The following SRRM4 variants were observed in gnomAD, a reference collection of about 807,000 sequenced individuals.
The protein encoded by SRRM4 is serine/arginine repetitive matrix protein 4.
In SRRM4, 33 loss-of-function variants were observed where a neutral mutation model predicts 68.9. The ratio of observed to expected loss-of-function variants is 0.48; its 90% CI spans 0.36 to 0.64. The LOEUF is 0.64. SRRM4 is among the 30% of genes least tolerant of loss of function. The pLI is 0.00. For synonymous variants in SRRM4, 318 were observed against 318.8 expected, an observed-to-expected ratio of 1.00 and a Z score of 0.03; for missense variants, 817 against 827.1, an observed-to-expected ratio of 0.99 and a Z score of 0.15.
rs779345328 is a variant in SRRM4, at chr12:119,102,314, G to C, written c.210G>C (p.Glu70Asp). ...SEKLGQHLAT[E>D]PLGTNSWERD... ...AGCTGGGTCAGCATCTGGCCACCGA[G>C]CCCTTGGGCACCAACAGTTGGGAGA... Residue 70 changes from glutamate to aspartate, a missense_variant, in exon 2 of 13, where the codon GAG (glutamate) becomes GAC (aspartate). Coordinates refer to ENST00000267260, the MANE Select transcript of SRRM4 (RefSeq NM_194286.4). 3.1e-6 allele frequency: 5 copies of C among 1,613,662 alleles called. No homozygotes were observed. The South Asian group carries it at 5.5e-5, about 18-fold the overall frequency.
intron 9 of SRRM4, among the ~76,000 whole-genome samples, chr12:119,147,885 T>C (rs767094712): frequency 2.6e-5 from 4 of 152,238 alleles, no homozygotes; most frequent in Admixed American, 6.5e-5. Context: ...TAATAGCTAC[T>C]AAAATTTACT....
intron 1 of SRRM4, among the ~76,000 whole-genome samples, chr12:119,011,781 C>A (rs1333150580): frequency 6.6e-6 from 1 of 152,128 alleles, no homozygotes; most frequent in Non-Finnish European, 1.5e-5. Context: ...AATAGGGAGA[C>A]CAGTGCCATT....
intron 1 of SRRM4, among the ~76,000 whole-genome samples, chr12:119,079,441 C>A (rs1291096795): frequency 6.6e-6 from 1 of 152,126 alleles, no homozygotes; most frequent in African/African-American, 2.4e-5. Flanking sequence ...GACAGAGAGA[C>A]CAATTAGAAG....
intron 1 of SRRM4, among the ~76,000 whole-genome samples, chr12:119,034,673 G>A (rs1953614615): frequency 6.6e-6 from 1 of 152,148 alleles, no homozygotes; most frequent in Non-Finnish European, 1.5e-5. Flanking sequence ...ATACAGAAAT[G>A]TCTATAGTAT....
chr12:119,130,416 TG>T (rs1954289374), intron 7 of SRRM4, among the ~76,000 whole-genome samples: 1 of 108,820 alleles, frequency 9.2e-6, no homozygotes, highest in East Asian at 2.8e-4. Context: ...GACAGATGGA[TG>T]GATGGATGGA....
rs767505834 is a variant in SRRM4, at chr12:119,130,786, G to A, written c.723G>A (p.Pro241=). 6.3e-5 allele frequency: 102 copies of A among 1,608,658 alleles called. No homozygotes were observed. Among genetic ancestry groups the A allele is most frequent in the East Asian group, 3.8e-4 (17 of 44,860 alleles). ...GCCCTGAGGCCCAGTCCAGTCGCCC[G>A]CCCAGTCAACCCCTCCAGATGCTTG... ...KDSPEAQSSR[P]PSQPLQMLGY... is the part of the protein sequence containing the mutation. Residue 241 remains proline, a synonymous_variant, in exon 8 of 13, where the codon CCG becomes CCA. Transcript: ENST00000267260.
Position 118,981,728 on chromosome 12 carries a change from G to A in SRRM4, c.-155G>A, listed in dbSNP as rs970052679. ...CTCTGCTGCCTGCCCGGGCTGGGGC[G>A]TCCCATCCCCCGCCCTGAACTCCGA... is the stretch of plus-strand genomic sequence containing the variant. On this transcript the variant is annotated 5_prime_UTR_variant, in exon 1 of 13. Coordinates refer to ENST00000267260, the MANE Select transcript of SRRM4 (RefSeq NM_194286.4). 2.6e-6 allele frequency: 2 copies of A among 780,024 alleles called. No homozygotes were observed. The highest frequency in any genetic ancestry group is 4.0e-6 in the Non-Finnish European group (2 of 502,388). The allele number at this position is 780,024 out of a possible 1,614,324, so 48.3% of individuals were successfully genotyped here.
At chr12:119,019,949 TCC>T (rs200015673) in intron 1 of SRRM4, among the ~76,000 whole-genome samples, 67 of 43,346 alleles carry the variant, frequency 1.5e-3, no homozygotes, top group African/African-American at 2.4e-3. Flanking sequence ...TTCCCCCCGC[TCC>T]CCCCCCCCCC....
intron 2 of SRRM4, among the ~76,000 whole-genome samples, chr12:119,110,140 A>T (rs965780059): frequency 6.6e-6 from 1 of 152,206 alleles, no homozygotes. Flanking sequence ...GCAGAACAGC[A>T]AATATTGCAG....
At chr12:119,117,929 A>G (rs1164961679) in intron 4 of SRRM4, among the ~76,000 whole-genome samples, 1 of 152,130 alleles carries the variant, frequency 6.6e-6, no homozygotes, top group Non-Finnish European at 1.5e-5. Context: ...ACAAACAAAC[A>G]AACAAACAAA....
intron 1 of SRRM4, among the ~76,000 whole-genome samples, chr12:119,074,360 G>A (rs568397766): frequency 6.6e-6 from 1 of 152,292 alleles, no homozygotes; most frequent in South Asian, 2.1e-4. Flanking sequence ...ACTCTGAGAG[G>A]TTAAACGGGG....
intron 1 of SRRM4, among the ~76,000 whole-genome samples, chr12:118,999,877 A>G (rs1369412860): frequency 1.3e-5 from 2 of 152,138 alleles, no homozygotes; most frequent in African/African-American, 4.8e-5. Flanking sequence ...TTTCCCAAAC[A>G]CTTTATGTAT....
In SRRM4 at chr12:119,073,792, T is replaced by A. The variant is rs536762463; in HGVS notation, c.132-28444T>A. ...TACCCTCTGTGCCCTGCTAGTTTTT[T>A]AAATTTTTAATAGATAAATAGACAT... is the stretch of plus-strand genomic sequence containing the variant. On this transcript the variant is annotated intron_variant, in intron 1 of 12. Coordinates refer to ENST00000267260, the MANE Select transcript of SRRM4 (RefSeq NM_194286.4). Among the ~76,000 whole-genome samples, 29 of 152,230 alleles carry A rather than the reference T, an allele frequency of 1.9e-4. No individual in the cohort carries two copies. In the East Asian group the frequency reaches 5.4e-3, roughly 28 times the overall value.
intron 1 of SRRM4, among the ~76,000 whole-genome samples, chr12:119,004,704 C>T (rs569185754): frequency 2.0e-4 from 31 of 151,984 alleles, no homozygotes; most frequent in African/African-American, 7.0e-4. Flanking sequence ...AGCTAGGACT[C>T]CTTTTCTCTC....
rs114077302 is a variant in SRRM4, at chr12:118,988,743, G to A, written c.131+6730G>A. On this transcript the variant is annotated intron_variant, in intron 1 of 12. Coordinates refer to ENST00000267260, the MANE Select transcript of SRRM4 (RefSeq NM_194286.4). Reference sequence around the variant, plus strand: ...ATGAACACAGGAACTCCCTGTTCCCGTGGAGGAGAAAGACAATAAATGAAG... The same window carrying A: ...ATGAACACAGGAACTCCCTGTTCCCATGGAGGAGAAAGACAATAAATGAAG... Among the ~76,000 whole-genome samples the A allele has an allele frequency of 4.4e-3, 671 of 152,280 alleles. 6 individuals carry two copies. Among genetic ancestry groups the A allele is most frequent in the African/African-American group, 0.015 (611 of 41,538 alleles).
Position 119,136,574 on chromosome 12 carries a change from A to G in SRRM4, c.771+5740A>G, listed in dbSNP as rs147084884. On this transcript the variant is annotated intron_variant, in intron 8 of 12. Coordinates refer to ENST00000267260, the MANE Select transcript of SRRM4 (RefSeq NM_194286.4). ...GAAAAAACCACCATTTTCTATCACTAAAGGGAGATTTTACCATCAGAAGAA... is the reference window on the plus strand; with the variant it reads ...GAAAAAACCACCATTTTCTATCACTGAAGGGAGATTTTACCATCAGAAGAA... Among the ~76,000 whole-genome samples, 1,240 of 152,348 alleles carry G rather than the reference A, an allele frequency of 8.1e-3. 7 individuals carry two copies. The highest frequency in any genetic ancestry group is 0.018 in the Admixed American group (270 of 15,306).
At chr12:119,034,187 T>A (rs1046735847) in intron 1 of SRRM4, among the ~76,000 whole-genome samples, 1 of 152,234 alleles carries the variant, frequency 6.6e-6, no homozygotes, top group African/African-American at 2.4e-5. Context: ...CACAGAGAGC[T>A]CTGAAGGATC....
At chr12:119,121,255 A>G (rs1287561897) in intron 5 of SRRM4, among the ~76,000 whole-genome samples, 1 of 152,150 alleles carries the variant, frequency 6.6e-6, no homozygotes, top group Non-Finnish European at 1.5e-5. Context: ...AGATAGTTAG[A>G]TGAAATAAAA....
intron 1 of SRRM4, among the ~76,000 whole-genome samples, chr12:119,039,340 G>A (rs1216118166): frequency 4.3e-4 from 65 of 152,226 alleles, no homozygotes; most frequent in Admixed American, 4.2e-3. Context: ...TCTCCTGGAG[G>A]GCCTGGCTAG....
Sources: allele counts gnomAD v4.1 joint callset (sites outside exome capture counted in the v4.1 genomes callset), GRCh38; gene constraint gnomAD v4.1.1; transcripts MANE v1.5; gene names NCBI Gene and HGNC (gene_info 2026-07-23, HGNC 2026-07-21).